PLOD2: variants seen among roughly 807,000 people sequenced by gnomAD.
The protein encoded by PLOD2 is lysine hydroxylase 2.
PLOD2 carries 65 observed loss-of-function variants against 101.0 expected under a neutral mutation model. The observed-to-expected ratio is 0.64, with a 90% CI of 0.53 to 0.79. The LOEUF is 0.79. PLOD2 is among the 30% of genes least tolerant of loss of function. The probability of loss-of-function intolerance (pLI) is 0.00; values close to 1 mark genes in which losing one functional copy is unlikely to be tolerated. For synonymous variants in PLOD2, 314 were observed against 302.9 expected, an observed-to-expected ratio of 1.04 and a Z score of -0.38; for missense variants, 909 against 914.6, an observed-to-expected ratio of 0.99 and a Z score of 0.08.
At chr3:146,130,267 T>C (rs1026276022) in intron 1 of PLOD2, among the ~76,000 whole-genome samples, 5 of 152,178 alleles carry the variant, frequency 3.3e-5, no homozygotes, top group African/African-American at 4.8e-5. Context: ...CTTACACATA[T>C]GCTATTTCCT....
intron 6 of PLOD2, 29 bp from the exon 7 acceptor site, chr3:146,102,881 G>A (rs372613427): frequency 1.7e-6 from 2 of 1,201,250 alleles, no homozygotes; most frequent in South Asian, 1.2e-5. Flanking sequence ...ATAGGCTTTA[G>A]TAATTTAAAA....
chr3:146,103,225 G>T (rs1006106473), intron 6 of PLOD2, among the ~76,000 whole-genome samples: 1 of 152,076 alleles, frequency 6.6e-6, no homozygotes, highest in African/African-American at 2.4e-5. Flanking sequence ...CTATCAAATG[G>T]TATCCACGTC....
Position 146,106,514 on chromosome 3 carries a change from A to G in PLOD2, c.615+18T>C. ...ACAACCAAATCAATAAAACAAAAAA[A>G]TTGCAGCTGTTACACACCCTTTTCA... is the stretch of plus-strand genomic sequence containing the variant. On this transcript the variant is annotated intron_variant, in intron 5 of 19. Coordinates refer to ENST00000282903, the MANE Select transcript of PLOD2 (RefSeq NM_182943.3). 8.8e-7 allele frequency: 1 copy of G among 1,141,390 alleles called. No individual in the cohort carries two copies. The highest frequency in any genetic ancestry group is 1.2e-5 in the South Asian group (1 of 81,524). 70.7% of individuals were successfully genotyped at this position (1,141,390 alleles called of 1,614,324 possible).
chr3:146,150,320 A>G lies in PLOD2; in HGVS notation c.109+10561T>C, dbSNP rs183707376. Among the ~76,000 whole-genome samples the G allele has an allele frequency of 1.2e-4, 18 of 152,330 alleles. No homozygotes were observed. In the East Asian group the frequency reaches 3.5e-3, roughly 29 times the overall value. ...TAGGTATTCTGATGACTATTTATGT[A>G]ACAAGTTAGAAAAGGGTCCCCAATT... On this transcript the variant is annotated intron_variant, in intron 1 of 19. Coordinates refer to ENST00000282903, the MANE Select transcript of PLOD2 (RefSeq NM_182943.3).
At chr3:146,095,884 TCTC>T (rs1937134394) in intron 7 of PLOD2, among the ~76,000 whole-genome samples, 1 of 58,266 alleles carries the variant, frequency 1.7e-5, no homozygotes, top group Non-Finnish European at 3.6e-5. Flanking sequence ...CCCTCTCCCC[TCTC>T]CCCTCTCCCC....
intron 9 of PLOD2, 41 bp from the exon 10 acceptor site, chr3:146,086,949 A>G (rs781203898): frequency 8.0e-7 from 1 of 1,253,656 alleles, no homozygotes; most frequent in Admixed American, 1.9e-5. Context: ...AGAATAAGAC[A>G]ATCAGATGAC....
intron 8 of PLOD2, 82 bp from the exon 9 acceptor site, chr3:146,088,793 G>T: frequency 8.6e-7 from 1 of 1,168,700 alleles, no homozygotes; most frequent in Non-Finnish European, 1.3e-6. Context: ...TAATCAGCAT[G>T]ACATAAAAAA....
At chr3:146,100,666 T>A (rs180713135) in intron 7 of PLOD2, among the ~76,000 whole-genome samples, 1 of 152,250 alleles carries the variant, frequency 6.6e-6, no homozygotes, top group East Asian at 1.9e-4. Flanking sequence ...TAATGTAGTA[T>A]TGCTGAGCGG....
chr3:146,157,452 G>C (rs2032354156), intron 1 of PLOD2, among the ~76,000 whole-genome samples: 1 of 152,068 alleles, frequency 6.6e-6, no homozygotes, highest in Admixed American at 6.6e-5. Flanking sequence ...CAATAAACAG[G>C]ATTTCAAAAA....
intron 1 of PLOD2, among the ~76,000 whole-genome samples, chr3:146,138,366 T>G (rs1163670549): frequency 6.6e-6 from 1 of 151,748 alleles, no homozygotes; most frequent in Non-Finnish European, 1.5e-5. Context: ...AAAATTTGCA[T>G]TTAACTTTCA....
chr3:146,097,045 G>A (rs1429783025), intron 7 of PLOD2, among the ~76,000 whole-genome samples: 3 of 147,610 alleles, frequency 2.0e-5, no homozygotes, highest in African/African-American at 7.5e-5. Context: ...TCCGGGAGGT[G>A]AGGGGCTCCT....
Position 146,079,217 on chromosome 3 carries a change from T to G in PLOD2, c.1399A>C (p.Ile467Leu), listed in dbSNP as rs1417213353. The G allele has an allele frequency of 6.2e-7, 1 of 1,610,086 alleles. No homozygotes were observed. ...TCTGATCGGAGTGTCTTTCCTTTAA[T>G]TAAGTACACATTAGCCATATATGGG... is the stretch of plus-strand genomic sequence containing the variant. ...NVPYMANVYL[I>L]KGKTLRSEMN... The change falls in exon 13 of 20, where the codon ATT becomes CTT. Residue 467 changes from isoleucine to leucine, a missense_variant. By Grantham distance (5) the Ile-to-Leu change is conservative (BLOSUM62 2). Coordinates refer to ENST00000282903, the MANE Select transcript of PLOD2 (RefSeq NM_182943.3).
intron 7 of PLOD2, among the ~76,000 whole-genome samples, chr3:146,098,484 C>G (rs1480620298): frequency 6.6e-6 from 1 of 151,898 alleles, no homozygotes; most frequent in Non-Finnish European, 1.5e-5. Flanking sequence ...TGTTTATATA[C>G]TACTATGAAA....
chr3:146,114,361 C>T (rs1178601345), intron 3 of PLOD2, among the ~76,000 whole-genome samples: 1 of 152,074 alleles, frequency 6.6e-6, no homozygotes, highest in African/African-American at 2.4e-5. Context: ...AAGTACGTCT[C>T]AGGTATTTCT....
chr3:146,111,960 A>G (rs1378503109), intron 3 of PLOD2, among the ~76,000 whole-genome samples: 1 of 152,182 alleles, frequency 6.6e-6, no homozygotes, highest in African/African-American at 2.4e-5. Context: ...CATGCGAGTG[A>G]TAAACAGACC....
At chr3:146,121,588 C>T (rs1401456042) in intron 2 of PLOD2, among the ~76,000 whole-genome samples, 1 of 151,880 alleles carries the variant, frequency 6.6e-6, no homozygotes, top group Non-Finnish European at 1.5e-5. Flanking sequence ...TCCCATATCA[C>T]TTTTTTTTCA....
Position 146,104,108 on chromosome 3 carries a change from A to G in PLOD2, c.679+171T>C, listed in dbSNP as rs146584046. Among the ~76,000 whole-genome samples, 441 of 152,348 alleles carry G rather than the reference A, an allele frequency of 2.9e-3. 3 individuals carry two copies. The highest frequency in any genetic ancestry group is 0.01 in the African/African-American group (425 of 41,588). On this transcript the variant is annotated intron_variant, in intron 6 of 19. Transcript: ENST00000282903. ...TAGTCATAGGAAATGATTTTAATTT[A>G]ATGTACTGATGTTAAGTTCAAGTCT...
chr3:146,100,343 A>C (rs1241862037), intron 7 of PLOD2, among the ~76,000 whole-genome samples: 1 of 152,214 alleles, frequency 6.6e-6, no homozygotes, highest in Non-Finnish European at 1.5e-5. Flanking sequence ...GGGGAAACAA[A>C]AGTAAACAAG....
intron 1 of PLOD2, among the ~76,000 whole-genome samples, chr3:146,156,098 T>C (rs1279368182): frequency 6.6e-6 from 1 of 152,188 alleles, no homozygotes; most frequent in Non-Finnish European, 1.5e-5. Context: ...TCTTGATAGC[T>C]TCAAGTGCTG....
Sources: allele counts gnomAD v4.1 joint callset (sites outside exome capture counted in the v4.1 genomes callset), GRCh38; gene constraint gnomAD v4.1.1; transcripts MANE v1.5; gene names NCBI Gene and HGNC (gene_info 2026-07-23, HGNC 2026-07-21).